BMPR2: variants seen among roughly 807,000 people sequenced by gnomAD.
BMPR2 encodes bone morphogenetic protein receptor type 2.
Under a neutral mutation model 100.8 loss-of-function variants are expected in BMPR2, and 29 were observed. That is an observed-to-expected ratio of 0.29 (90% CI 0.21 to 0.39). The LOEUF (loss-of-function observed/expected upper bound fraction) is 0.39. Ranked by LOEUF, BMPR2 falls within the 10% of genes least tolerant of loss-of-function variation. The probability of loss-of-function intolerance (pLI) is 1.00; values close to 1 mark genes in which losing one functional copy is unlikely to be tolerated. For synonymous variants in BMPR2, 382 were observed against 442.3 expected, an observed-to-expected ratio of 0.86 and a Z score of 1.71; for missense variants, 1,011 against 1,274.5, an observed-to-expected ratio of 0.79 and a Z score of 3.15.
At chr2:202,543,172 G>A (rs1394157390) in intron 10 of BMPR2, among the ~76,000 whole-genome samples, 9 of 101,122 alleles carry the variant, frequency 8.9e-5, no homozygotes, top group African/African-American at 3.7e-4. Flanking sequence ...GCGAGACTCT[G>A]TCTCAAAAAA....
chr2:202,461,821 CAT>C (rs1692230250), intron 1 of BMPR2, among the ~76,000 whole-genome samples: 1 of 152,086 alleles, frequency 6.6e-6, no homozygotes, highest in Non-Finnish European at 1.5e-5. Flanking sequence ...ATTCCACAAA[CAT>C]ATCTGCATAA....
At chr2:202,378,777 A>AT (rs1419389560) in intron 1 of BMPR2, among the ~76,000 whole-genome samples, 1 of 152,078 alleles carries the variant, frequency 6.6e-6, no homozygotes, top group African/African-American at 2.4e-5. Context: ...AGTAAAAATG[A>AT]TTTTTCTCTA....
In BMPR2 at chr2:202,417,401, C is replaced by T. The variant is rs1041580883; in HGVS notation, c.76+39851C>T. 3.9e-5 allele frequency among the ~76,000 whole-genome samples: 6 copies of T among 152,154 alleles called. No individual in the cohort carries two copies. The South Asian group carries it at 8.3e-4, about 21-fold the overall frequency. Reference sequence around the variant, plus strand: ...CACCGCAGCCTCCGCCTTCCGGGTTCGAGCGATTCTCCTGCCTCAGCCTCC... The same window carrying T: ...CACCGCAGCCTCCGCCTTCCGGGTTTGAGCGATTCTCCTGCCTCAGCCTCC... On this transcript the variant is annotated intron_variant, in intron 1 of 12. Coordinates refer to ENST00000374580, the MANE Select transcript of BMPR2 (RefSeq NM_001204.7).
At chr2:202,443,961 C>T (rs981257494) in intron 1 of BMPR2, among the ~76,000 whole-genome samples, 7 of 150,250 alleles carry the variant, frequency 4.7e-5, no homozygotes, top group South Asian at 2.1e-4. Flanking sequence ...GTGGTACTAC[C>T]GACTAATAAC....
chr2:202,493,203 A>G (rs1692944614), intron 3 of BMPR2, among the ~76,000 whole-genome samples: 2 of 152,224 alleles, frequency 1.3e-5, no homozygotes, highest in South Asian at 4.1e-4. Context: ...TGACTATTAT[A>G]GTGACTAGGT....
intron 1 of BMPR2, among the ~76,000 whole-genome samples, chr2:202,397,310 A>G (rs1428642781): frequency 6.6e-6 from 1 of 152,208 alleles, no homozygotes; most frequent in Non-Finnish European, 1.5e-5. Context: ...CCAATTTCAG[A>G]AATGTTGCGA....
At chr2:202,497,008 C>G (rs1385723041) in intron 3 of BMPR2, among the ~76,000 whole-genome samples, 1 of 152,272 alleles carries the variant, frequency 6.6e-6, no homozygotes, top group African/African-American at 2.4e-5. Flanking sequence ...CTCGGAGCAG[C>G]CGGCCAGCCC....
intron 1 of BMPR2, among the ~76,000 whole-genome samples, chr2:202,419,784 T>A (rs1321548502): frequency 6.6e-6 from 1 of 152,178 alleles, no homozygotes; most frequent in Non-Finnish European, 1.5e-5. Flanking sequence ...TGTTGATTCT[T>A]TAGCTTTTCA....
intron 1 of BMPR2, among the ~76,000 whole-genome samples, chr2:202,422,111 G>A (rs1236870471): frequency 7.2e-5 from 11 of 152,114 alleles, no homozygotes; most frequent in Non-Finnish European, 1.5e-4. Flanking sequence ...GTTTCACCGT[G>A]TTGGCCAGGC....
At chr2:202,419,744 G>A (rs998910626) in intron 1 of BMPR2, among the ~76,000 whole-genome samples, 7 of 152,126 alleles carry the variant, frequency 4.6e-5, no homozygotes, top group African/African-American at 1.7e-4. Flanking sequence ...TGTTTAGAGT[G>A]TCAAATGTCT....
chr2:202,440,350 G>A lies in BMPR2; in HGVS notation c.77-24459G>A, dbSNP rs967791289. On this transcript the variant is annotated intron_variant, in intron 1 of 12. Transcript: ENST00000374580. ...GACGGGGTCGCGGCCGGGCACAGGC[G>A]CTCCTCACATCCCAGACGGGGCGGC... Among the ~76,000 whole-genome samples, 12 of 147,678 alleles carry A rather than the reference G, an allele frequency of 8.1e-5. 1 individual carries two copies. The highest frequency in any genetic ancestry group is 4.0e-4 in the Admixed American group (6 of 14,996).
At chr2:202,424,775 A>G (rs1206467896) in intron 1 of BMPR2, among the ~76,000 whole-genome samples, 3 of 152,276 alleles carry the variant, frequency 2.0e-5, no homozygotes, top group Admixed American at 6.5e-5. Context: ...AATTTAGCCA[A>G]TATACTCACT....
chr2:202,389,452 G>C (rs1290601628), intron 1 of BMPR2, among the ~76,000 whole-genome samples: 1 of 146,620 alleles, frequency 6.8e-6, no homozygotes, highest in Non-Finnish European at 1.5e-5. Flanking sequence ...GCTTGAACCC[G>C]AGAGGCAGAG....
chr2:202,446,126 C>T (rs1188494222), intron 1 of BMPR2, among the ~76,000 whole-genome samples: 1 of 150,400 alleles, frequency 6.6e-6, no homozygotes, highest in African/African-American at 2.5e-5. Context: ...ACAGGCTGGG[C>T]GTGGTGGCTC....
Position 202,532,506 on chromosome 2 carries a change from T to C in BMPR2, c.1129-79T>C. The C allele has an allele frequency of 6.6e-7, 1 of 1,510,176 alleles. No individual in the cohort carries two copies. Among genetic ancestry groups the C allele is most frequent in the African/African-American group, 1.4e-5 (1 of 72,576 alleles). The allele number at this position is 1,510,176 out of a possible 1,614,324, so 93.5% of individuals were successfully genotyped here. On this transcript the variant is annotated intron_variant, in intron 8 of 12. Coordinates refer to ENST00000374580, the MANE Select transcript of BMPR2 (RefSeq NM_001204.7). The surrounding 1 kb of genome is among the most constrained non-coding windows in gnomAD (Gnocchi z 4.1). ...ATAACATTGACATGACTAAGATTTA[T>C]ATATAACTTCTGGTCTAATGTCTGT...
chr2:202,492,704 A>C (rs1308462689), intron 3 of BMPR2, among the ~76,000 whole-genome samples: 1 of 148,134 alleles, frequency 6.8e-6, no homozygotes, highest in Non-Finnish European at 1.5e-5. Flanking sequence ...CTGTCTCAAA[A>C]AAAAAAAAAA....
At chr2:202,386,574 A>G (rs1007365319) in intron 1 of BMPR2, among the ~76,000 whole-genome samples, 1 of 152,072 alleles carries the variant, frequency 6.6e-6, no homozygotes, top group African/African-American at 2.4e-5. Flanking sequence ...TCTAAAAGCC[A>G]CTATCTTCTC....
intron 1 of BMPR2, among the ~76,000 whole-genome samples, chr2:202,403,569 A>C (rs1351970481): frequency 6.6e-6 from 1 of 152,218 alleles, no homozygotes. Context: ...ACCTCTAGAA[A>C]GTTAACGTTT....
At position 202,564,058 on chromosome 2, in the gene BMPR2, T is replaced by C. The variant is rs1688716460; in HGVS notation, c.*4112T>C. ...ACAAAACATTGGCAAGTATTTTTAT[T>C]TAAATTATTTTCAAATTTGACTTCT... On this transcript the variant is annotated 3_prime_UTR_variant, in exon 13 of 13. Coordinates refer to ENST00000374580, the MANE Select transcript of BMPR2 (RefSeq NM_001204.7). The C allele has an allele frequency of 6.6e-6, 1 of 152,210 alleles. No individual in the cohort carries two copies. The highest frequency in any genetic ancestry group is 2.1e-4 in the South Asian group (1 of 4,826). The allele number at this position is 152,210 out of a possible 1,614,324, so 9.4% of individuals were successfully genotyped here. A position where few individuals can be genotyped will look rare whatever the true frequency, so the allele number is the denominator to read the frequency against.
Sources: gnomAD v4.1 joint callset for allele counts (sites outside exome capture counted in the v4.1 genomes callset) on GRCh38, gnomAD v4.1.1 for gene constraint, Gnocchi (gnomAD v3.1) non-coding constraint, MANE v1.5 for transcripts, NCBI Gene and HGNC (gene_info 2026-07-23, HGNC 2026-07-21) for gene names.